The following THRB variants were observed in gnomAD, a reference collection of about 807,000 sequenced individuals.
THRB encodes the protein nuclear receptor subfamily 1 group A member 2.
A neutral mutation model predicts 47.8 loss-of-function variants in THRB; 12 were observed. That is an observed-to-expected ratio of 0.25 (90% CI 0.16 to 0.41). The LOEUF (loss-of-function observed/expected upper bound fraction) is 0.41. THRB is among the 10% of genes least tolerant of loss of function. The pLI is 1.00. For missense variants in THRB, 348 were observed against 589.2 expected (o/e 0.59, Z 4.24); for synonymous variants, 218 against 212.2 (o/e 1.03, Z -0.24).
At chr3:24,422,103 A>G (rs1434247203) in intron 1 of THRB, among the ~76,000 whole-genome samples, 1 of 151,996 alleles carries the variant, frequency 6.6e-6, no homozygotes, top group Admixed American at 6.6e-5. Flanking sequence ...GTAGTTTTCA[A>G]AAACAAAGGG....
intron 1 of THRB, among the ~76,000 whole-genome samples, chr3:24,345,014 C>T (rs1205848878): frequency 2.0e-5 from 3 of 152,064 alleles, no homozygotes; most frequent in Non-Finnish European, 4.4e-5. Context: ...TCCCTAGTAT[C>T]CTGGATGAAG....
chr3:24,204,560 G>C lies in THRB; in HGVS notation c.23-14226C>G, dbSNP rs181555486. Among the ~76,000 whole-genome samples, 272 of 152,312 alleles carry C rather than the reference G, an allele frequency of 1.8e-3. 1 individual carries two copies. The highest frequency in any genetic ancestry group is 6.1e-3 in the African/African-American group (252 of 41,564). On this transcript the variant is annotated intron_variant, in intron 4 of 10. Coordinates refer to ENST00000646209, the MANE Select transcript of THRB (RefSeq NM_001354712.2). ...AAACCACAAAGATGGGGAAAAAACA[G>C]AGCAGAAAAGCTGAAAATTCTAAAT...
intron 2 of THRB, among the ~76,000 whole-genome samples, chr3:24,303,025 C>T (rs1193396167): frequency 6.6e-6 from 1 of 152,164 alleles, no homozygotes; most frequent in Non-Finnish European, 1.5e-5. Flanking sequence ...TACAGGTATA[C>T]AATCACATCA....
rs140236400 is a variant in THRB at position 24,177,737 on chromosome 3, A to G, written c.283+12337T>C. 1.4e-3 allele frequency among the ~76,000 whole-genome samples: 216 copies of G among 152,328 alleles called. 1 individual carries two copies. Among genetic ancestry groups the G allele is most frequent in the African/African-American group, 4.9e-3 (202 of 41,576 alleles). ...TCTACTTCATGTTGGTGCCCTTGAG[A>G]TCCAAATCCAGAAATGGCAAATTGA... On this transcript the variant is annotated intron_variant, in intron 5 of 10. Transcript: ENST00000646209.
intron 1 of THRB, among the ~76,000 whole-genome samples, chr3:24,341,715 T>C (rs2062669886): frequency 1.3e-5 from 2 of 152,206 alleles, no homozygotes; most frequent in Non-Finnish European, 2.9e-5. Flanking sequence ...GTCAATGGAA[T>C]GTTATCAGAT....
intron 4 of THRB, among the ~76,000 whole-genome samples, chr3:24,205,038 G>C (rs1438072210): frequency 6.6e-6 from 1 of 152,214 alleles, no homozygotes; most frequent in Non-Finnish European, 1.5e-5. Flanking sequence ...TGGTGTACCT[G>C]AAAGTGATGG....
intron 3 of THRB, among the ~76,000 whole-genome samples, chr3:24,237,596 G>A (rs1191506641): frequency 6.6e-6 from 1 of 152,098 alleles, no homozygotes; most frequent in Non-Finnish European, 1.5e-5. Context: ...ACCATGGCAT[G>A]TTACAAAGAG....
chr3:24,477,166 A>T (rs1411315968), intron 1 of THRB, among the ~76,000 whole-genome samples: 1 of 151,648 alleles, frequency 6.6e-6, no homozygotes, highest in Non-Finnish European at 1.5e-5. Flanking sequence ...CATTTGATAT[A>T]CTCTAATACT....
intron 2 of THRB, among the ~76,000 whole-genome samples, chr3:24,320,181 A>G: frequency 6.6e-6 from 1 of 152,160 alleles, no homozygotes; most frequent in East Asian, 1.9e-4. Context: ...AATAAAGAAA[A>G]ACTTTGCAGA....
At chr3:24,218,362 T>TTTTC (rs1553649054) in intron 4 of THRB, among the ~76,000 whole-genome samples, 1 of 128,432 alleles carries the variant, frequency 7.8e-6, no homozygotes, top group African/African-American at 3.4e-5. Flanking sequence ...TTTTTTTTTT[T>TTTTC]AAAAAGAAAA....
chr3:24,362,854 A>C (rs1346396022), intron 1 of THRB, among the ~76,000 whole-genome samples: 2 of 152,136 alleles, frequency 1.3e-5, no homozygotes, highest in Non-Finnish European at 2.9e-5. Context: ...GGACATCAAG[A>C]CATGTATAAT....
chr3:24,253,053 C>T (rs980388905), intron 3 of THRB, among the ~76,000 whole-genome samples: 4 of 151,626 alleles, frequency 2.6e-5, no homozygotes, highest in African/African-American at 9.7e-5. Context: ...CAATACAATA[C>T]AGTGAATACA....
intron 1 of THRB, among the ~76,000 whole-genome samples, chr3:24,443,372 C>T (rs1488666863): frequency 4.0e-5 from 6 of 151,894 alleles, no homozygotes; most frequent in East Asian, 1.9e-4. Context: ...AAAATAATCC[C>T]GATACAGAGA....
chr3:24,246,856 A>G (rs2050157718), intron 3 of THRB, among the ~76,000 whole-genome samples: 1 of 152,230 alleles, frequency 6.6e-6, no homozygotes, highest in African/African-American at 2.4e-5. Context: ...TGAAAAGGAA[A>G]GACAGTGGAT....
At chr3:24,437,643 A>G (rs576705046) in intron 1 of THRB, among the ~76,000 whole-genome samples, 4 of 152,248 alleles carry the variant, frequency 2.6e-5, no homozygotes, top group African/African-American at 9.6e-5. Context: ...AAAAATATGC[A>G]CAACTATTAT....
chr3:24,249,622 T>C (rs991576959), intron 3 of THRB, among the ~76,000 whole-genome samples: 6 of 152,172 alleles, frequency 3.9e-5, no homozygotes, highest in African/African-American at 1.4e-4. Flanking sequence ...CCTTCTCAGT[T>C]GGATTCATAA....
intron 1 of THRB, among the ~76,000 whole-genome samples, chr3:24,399,604 C>T (rs553343278): frequency 1.3e-5 from 2 of 152,030 alleles, no homozygotes; most frequent in African/African-American, 4.8e-5. Flanking sequence ...AAGGAAGGCA[C>T]GGGTCTGTGT....
intron 8 of THRB, among the ~76,000 whole-genome samples, chr3:24,139,352 GTTTC>G (rs1390403481): frequency 2.0e-5 from 3 of 149,512 alleles, no homozygotes; most frequent in African/African-American, 4.9e-5. Context: ...CACTGTCTCT[GTTTC>G]TTTTTCTTTC....
intron 4 of THRB, among the ~76,000 whole-genome samples, chr3:24,193,786 A>G (rs1232447826): frequency 6.6e-6 from 1 of 152,180 alleles, no homozygotes; most frequent in Non-Finnish European, 1.5e-5. Flanking sequence ...ACCCAGAGGA[A>G]AAGAAGTCAT....
Sources: gnomAD v4.1 joint callset for allele counts (sites outside exome capture counted in the v4.1 genomes callset) on GRCh38, gnomAD v4.1.1 for gene constraint, MANE v1.5 for transcripts, NCBI Gene and HGNC (gene_info 2026-07-23, HGNC 2026-07-21) for gene names.